Variants in APLP2 observed in about 807,000 individuals in gnomAD.
The protein encoded by APLP2 is amyloid beta precursor like protein 2, also known as CDEI box-binding protein.
A neutral mutation model predicts 89.9 loss-of-function variants in APLP2; 53 were observed. The observed-to-expected ratio is 0.59, with a 90% CI of 0.47 to 0.74. The LOEUF (loss-of-function observed/expected upper bound fraction) is 0.74. Ranked by LOEUF, APLP2 falls within the 30% of genes least tolerant of loss-of-function variation. The pLI, the probability that APLP2 is intolerant of heterozygous loss-of-function variation, is 0.00. For synonymous variants in APLP2, 372 were observed against 348.6 expected, an observed-to-expected ratio of 1.07 and a Z score of -0.75; for missense variants, 973 against 975.9, an observed-to-expected ratio of 1.00 and a Z score of 0.04.
At chr11:130,073,426 C>A (rs991098050) in intron 1 of APLP2, among the ~76,000 whole-genome samples, 13 of 152,104 alleles carry the variant, frequency 8.5e-5, no homozygotes, top group African/African-American at 3.1e-4. Flanking sequence ...TTAATATGTT[C>A]CTATATTTTT....
intron 1 of APLP2, among the ~76,000 whole-genome samples, chr11:130,092,281 G>C (rs1323544992): frequency 1.5e-5 from 2 of 137,100 alleles, no homozygotes; most frequent in African/African-American, 5.9e-5. Flanking sequence ...CAGATGATGG[G>C]CGGCCAGGCA....
chr11:130,110,478 T>C, intron 2 of APLP2, 60 bp from the exon 3 acceptor site: 4 of 1,594,008 alleles, frequency 2.5e-6, no homozygotes, highest in Non-Finnish European at 3.4e-6. Flanking sequence ...CCATCCTTAC[T>C]TGCAAGTGTG....
At chr11:130,134,628 C>T (rs762572548) in intron 12 of APLP2, among the ~76,000 whole-genome samples, 10 of 152,052 alleles carry the variant, frequency 6.6e-5, no homozygotes, top group African/African-American at 1.2e-4. Flanking sequence ...TGTGTGTAGT[C>T]GATTAAAATT....
intron 1 of APLP2, among the ~76,000 whole-genome samples, chr11:130,099,448 A>G (rs909013900): frequency 6.6e-6 from 1 of 152,238 alleles, no homozygotes; most frequent in Admixed American, 6.5e-5. Flanking sequence ...CAGAATGTCC[A>G]TCAGGAAAAC....
chr11:130,133,370 G>C (rs1462138650), intron 11 of APLP2, among the ~76,000 whole-genome samples: 2 of 152,098 alleles, frequency 1.3e-5, no homozygotes, highest in East Asian at 3.9e-4. Context: ...TGATCCTGCT[G>C]TCTCACCCTC....
intron 1 of APLP2, among the ~76,000 whole-genome samples, chr11:130,101,016 C>T (rs1946839101): frequency 1.3e-5 from 2 of 151,970 alleles, no homozygotes; most frequent in African/African-American, 4.8e-5. Context: ...CTTAAAGTTT[C>T]AAACTGTGGT....
intron 1 of APLP2, among the ~76,000 whole-genome samples, chr11:130,072,715 G>C (rs1358185580): frequency 6.6e-6 from 1 of 152,174 alleles, no homozygotes; most frequent in Non-Finnish European, 1.5e-5. Flanking sequence ...GATCTCAGGT[G>C]ATCCACCTGC....
intron 8 of APLP2, among the ~76,000 whole-genome samples, chr11:130,127,061 G>GC (rs1950448825): frequency 8.1e-6 from 1 of 124,034 alleles, no homozygotes. Flanking sequence ...ACCATTATCT[G>GC]CCCTTTTTTT....
intron 9 of APLP2, 60 bp downstream of exon 9, chr11:130,127,900 G>A: frequency 6.8e-7 from 1 of 1,467,244 alleles, no homozygotes; most frequent in South Asian, 1.2e-5. Context: ...TACGGTCAGA[G>A]CCCCATTCCC....
intron 3 of APLP2, among the ~76,000 whole-genome samples, chr11:130,119,188 C>T (rs1457337500): frequency 1.3e-5 from 2 of 152,176 alleles, no homozygotes; most frequent in Admixed American, 1.3e-4. Context: ...AGGGTTTTCC[C>T]CCCTTAACCT....
At position 130,096,049 on chromosome 11, in the gene APLP2, G is replaced by A. The variant is rs542942364; in HGVS notation, c.106-13380G>A. On this transcript the variant is annotated intron_variant, in intron 1 of 16. Coordinates refer to ENST00000338167, the MANE Select transcript of APLP2 (RefSeq NM_001142276.2). ...GAGAGATAAAACCTGGAATGGGTTG[G>A]AGGAGAAGGCCTTCCACGGAATGCC... Among the ~76,000 whole-genome samples, 11 of 152,362 alleles carry A rather than the reference G, an allele frequency of 7.2e-5. No homozygotes were observed. The East Asian group carries it at 2.1e-3, about 29-fold the overall frequency.
At chr11:130,077,214 C>T (rs774083975) in intron 1 of APLP2, among the ~76,000 whole-genome samples, 2 of 152,056 alleles carry the variant, frequency 1.3e-5, no homozygotes, top group South Asian at 2.1e-4. Flanking sequence ...CATCACAATG[C>T]GTTTGTTAGA....
rs757775115 is a variant in APLP2, at chr11:130,121,812, T to G, written c.713+2T>G. ...GGAAGACTATGATGTTTATAAAAGGTAACTCTTCTACTTTGAACTGTGAAG... is the reference window on the plus strand; with the variant it reads ...GGAAGACTATGATGTTTATAAAAGGGAACTCTTCTACTTTGAACTGTGAAG... On this transcript the variant is annotated splice_donor_variant, in intron 5 of 16. Coordinates refer to ENST00000338167, the MANE Select transcript of APLP2 (RefSeq NM_001142276.2). LOFTEE classifies it high-confidence loss of function. 1 of 1,608,574 alleles carries G rather than the reference T, an allele frequency of 6.2e-7. No individual in the cohort carries two copies. Among genetic ancestry groups the G allele is most frequent in the Non-Finnish European group, 8.5e-7 (1 of 1,179,836 alleles).
At chr11:130,092,478 G>A (rs1440561623) in intron 1 of APLP2, among the ~76,000 whole-genome samples, 4 of 136,360 alleles carry the variant, frequency 2.9e-5, no homozygotes, top group Non-Finnish European at 6.2e-5. Context: ...CCGGCACCTC[G>A]GGAGGCCGAG....
At position 130,143,421 on chromosome 11, in the gene APLP2, C is replaced by CA. The variant is rs1238302797; in HGVS notation, c.2232dup (p.Tyr745IlefsTer59). The CA allele has an allele frequency of 6.2e-7, 1 of 1,614,016 alleles. No individual in the cohort carries two copies. The highest frequency in any genetic ancestry group is 8.5e-7 in the Non-Finnish European group (1 of 1,180,002). ...ACCATGGCTATGAGAACCCCACCTACAAATACCTGGAGCAGATGCAGATTT... is the reference window on the plus strand; with the variant it reads ...ACCATGGCTATGAGAACCCCACCTACAAAATACCTGGAGCAGATGCAGATTT... On this transcript the variant is annotated frameshift_variant, in exon 17 of 17. Transcript: ENST00000338167. LOFTEE classifies it high-confidence loss of function.
At position 130,121,781 on chromosome 11, in the gene APLP2, TGAAGAG is replaced by T. The variant is rs1949853390; in HGVS notation, c.690_695del (p.Glu230_Glu231del). The T allele has an allele frequency of 3.8e-6, 6 of 1,573,472 alleles. No individual in the cohort carries two copies. The African/African-American group carries it at 4.2e-5, about 11-fold the overall frequency. On this transcript the variant is annotated inframe_deletion, in exon 5 of 17. Coordinates refer to ENST00000338167, the MANE Select transcript of APLP2 (RefSeq NM_001142276.2). ...ATGAAGAGGAAGAGGAAGAGGAAGA[TGAAGAG>T]GAAGACTATGATGTTTATAAAAGGT...
rs1392113684 is a variant in APLP2 at position 130,126,681 on chromosome 11, C to T, written c.1091-19C>T. The T allele has an allele frequency of 6.2e-7, 1 of 1,612,912 alleles. No individual in the cohort carries two copies. The highest frequency in any genetic ancestry group is 1.1e-5 in the South Asian group (1 of 91,044). ...TGCATCTGATCCCAAAGAGAACTCC[C>T]TCTGTAATTTTGTTTCAGTTCCTCC... On this transcript the variant is annotated intron_variant, in intron 7 of 16. Transcript: ENST00000338167.
intron 9 of APLP2, among the ~76,000 whole-genome samples, chr11:130,128,324 G>A (rs1950591652): frequency 6.6e-6 from 1 of 152,174 alleles, no homozygotes; most frequent in Non-Finnish European, 1.5e-5. Flanking sequence ...TTCCAGGACT[G>A]ATTTGGTTTT....
chr11:130,128,174 G>A (rs980761541), intron 9 of APLP2, among the ~76,000 whole-genome samples: 3 of 152,042 alleles, frequency 2.0e-5, no homozygotes, highest in Non-Finnish European at 4.4e-5. Context: ...TTTTTTTTAA[G>A]ACTAATTGAA....
Sources: allele counts gnomAD v4.1 joint callset (sites outside exome capture counted in the v4.1 genomes callset), GRCh38; gene constraint gnomAD v4.1.1; transcripts MANE v1.5; gene names NCBI Gene and HGNC (gene_info 2026-07-23, HGNC 2026-07-21).